The following NDUFAB1 variants were observed in gnomAD, a reference collection of about 807,000 sequenced individuals.
NDUFAB1 encodes acyl carrier protein, mitochondrial.
Under a neutral mutation model 16.1 loss-of-function variants are expected in NDUFAB1, and 5 were observed. That is an observed-to-expected ratio of 0.31 (90% CI 0.16 to 0.65). NDUFAB1 has a LOEUF of 0.65. NDUFAB1 is among the 30% of genes least tolerant of loss of function. The pLI is 0.77. For missense variants in NDUFAB1, 187 were observed against 205.3 expected (o/e 0.91, Z 0.54); for synonymous variants, 85 against 78.4 (o/e 1.08, Z -0.44).
intron 3 of NDUFAB1, among the ~76,000 whole-genome samples, chr16:23,584,171 T>C (rs1156765262): frequency 6.8e-6 from 1 of 146,248 alleles, no homozygotes; most frequent in African/African-American, 2.5e-5. Flanking sequence ...TTTGTTCACT[T>C]GTTTACCTGC....
At chr16:23,583,421 C>T (rs1161058175) in intron 3 of NDUFAB1, among the ~76,000 whole-genome samples, 1 of 151,348 alleles carries the variant, frequency 6.6e-6, no homozygotes, top group East Asian at 1.9e-4. Flanking sequence ...CGCCTCTTCC[C>T]GGCCACCATC....
intron 3 of NDUFAB1, 34 bp from the exon 4 acceptor site, chr16:23,582,409 TAA>T (rs369134902): frequency 2.0e-4 from 250 of 1,223,060 alleles, no homozygotes; most frequent in Admixed American, 5.7e-4. Context: ...GTGAGAGAGT[TAA>T]AAAAAAAAAA....
intron 4 of NDUFAB1, 65 bp downstream of exon 4, chr16:23,582,209 TAA>T: frequency 7.3e-7 from 1 of 1,363,258 alleles, no homozygotes; most frequent in Admixed American, 3.8e-5. Flanking sequence ...TGTTTCTTCT[TAA>T]GTTTCCTTTA....
intron 3 of NDUFAB1, among the ~76,000 whole-genome samples, chr16:23,583,361 G>C (rs1164686735): frequency 6.6e-6 from 1 of 151,650 alleles, no homozygotes; most frequent in Non-Finnish European, 1.5e-5. Flanking sequence ...CCCATCGTCT[G>C]AGATGTGGGG....
intron 1 of NDUFAB1, among the ~76,000 whole-genome samples, chr16:23,589,804 C>T (rs577138278): frequency 7.3e-4 from 111 of 152,024 alleles, no homozygotes; most frequent in Middle Eastern, 3.4e-3. Flanking sequence ...GGCATCGTGG[C>T]GTGTGCCTAT....
chr16:23,596,132 C>A lies in NDUFAB1; in HGVS notation c.159G>T (p.Val53=). Residue 53 remains valine (V), a synonymous_variant, in exon 1 of 5, where the codon GTG becomes GTT. Transcript: ENST00000007516. ...AGTCACCACGAGTCACCTGCGCGAGCACTAAGGCCGGCTGCAAAGTCCCGA... is the reference window on the plus strand; with the variant it reads ...AGTCACCACGAGTCACCTGCGCGAGAACTAAGGCCGGCTGCAAAGTCCCGA... ...TRLGTLQPAL[V]LAQVPGRVTQ... is the part of the protein sequence containing the mutation. 2 of 1,607,934 alleles carry A rather than the reference C, an allele frequency of 1.2e-6. No individual in the cohort carries two copies. Among genetic ancestry groups the A allele is most frequent in the Admixed American group, 1.7e-5 (1 of 59,690 alleles).
chr16:23,588,196 T>C (rs1364106969), intron 1 of NDUFAB1, among the ~76,000 whole-genome samples: 2 of 152,238 alleles, frequency 1.3e-5, no homozygotes, highest in African/African-American at 4.8e-5. Context: ...GGCTCACGCC[T>C]ATAATCACAA....
chr16:23,595,165 T>G (rs1029271623), intron 1 of NDUFAB1, among the ~76,000 whole-genome samples: 1 of 151,940 alleles, frequency 6.6e-6, no homozygotes, highest in East Asian at 1.9e-4. Flanking sequence ...GGGAGGAGAA[T>G]TGCTTGAACC....
intron 3 of NDUFAB1, among the ~76,000 whole-genome samples, chr16:23,583,605 CCCTCCGCCCGG>C (rs541607634): frequency 0.04 from 5,842 of 145,668 alleles, 584 homozygotes; most frequent in African/African-American, 0.077. Context: ...AGTGAGGAGC[CCCTCCGCCCGG>C]CAGCCGCCCC....
intron 1 of NDUFAB1, among the ~76,000 whole-genome samples, chr16:23,593,294 A>G (rs1966295264): frequency 2.0e-5 from 3 of 152,200 alleles, no homozygotes; most frequent in Admixed American, 1.3e-4. Context: ...GTGTCCCAAC[A>G]AGGTAGGAGG....
chr16:23,583,578 G>A (rs565189150), intron 3 of NDUFAB1, among the ~76,000 whole-genome samples: 287 of 151,648 alleles, frequency 1.9e-3, no homozygotes, highest in African/African-American at 6.6e-3. Flanking sequence ...GTCTCTGCCC[G>A]GCTGCCCCCT....
At chr16:23,584,254 TTAA>T (rs1178369215) in intron 3 of NDUFAB1, among the ~76,000 whole-genome samples, 6 of 12,118 alleles carry the variant, frequency 5.0e-4, no homozygotes, top group Admixed American at 9.4e-4. Context: ...GAATGATCAA[TTAA>T]AAAAAAAAAA....
intron 2 of NDUFAB1, among the ~76,000 whole-genome samples, 153 bp from the exon 3 acceptor site, chr16:23,585,576 T>C (rs1384029488): frequency 6.6e-6 from 1 of 152,250 alleles, no homozygotes; most frequent in Non-Finnish European, 1.5e-5. Context: ...GTTTGTTACA[T>C]AGGTATACAT....
chr16:23,587,709 G>GTCAAATA (rs1966245701), intron 1 of NDUFAB1, among the ~76,000 whole-genome samples: 1 of 152,252 alleles, frequency 6.6e-6, no homozygotes, highest in Admixed American at 6.5e-5. Context: ...TTAATAGGCT[G>GTCAAATA]ACCCAAGTCA....
chr16:23,584,254 T>TAAAAAAAAAAAAAAAA (rs774895056), intron 3 of NDUFAB1, among the ~76,000 whole-genome samples: 3 of 12,116 alleles, frequency 2.5e-4, no homozygotes, highest in African/African-American at 3.5e-4. Flanking sequence ...GAATGATCAA[T>TAAAAAAAAAAAAAAAA]TAAAAAAAAA....
intron 2 of NDUFAB1, 98 bp from the exon 3 acceptor site, chr16:23,585,521 A>AT: frequency 1.2e-6 from 1 of 825,502 alleles, no homozygotes; most frequent in Non-Finnish European, 2.0e-6. Flanking sequence ...ACTATATTGA[A>AT]TTTATTATAC....
rs1469846445 is a variant in NDUFAB1, at chr16:23,587,447, T to C, written c.169-128A>G. ...AGAACCCACAGCATCTGATTCTCAT[T>C]GTGGCCACCAGGACACACTAAGTTG... is the stretch of plus-strand genomic sequence containing the variant. On this transcript the variant is annotated intron_variant, in intron 1 of 4. Coordinates refer to ENST00000007516, the MANE Select transcript of NDUFAB1 (RefSeq NM_005003.3). 6 of 1,194,458 alleles carry C rather than the reference T, an allele frequency of 5.0e-6. No individual in the cohort carries two copies. In the African/African-American group the frequency reaches 9.3e-5, roughly 18 times the overall value. The allele number at this position is 1,194,458 out of a possible 1,614,324, so 74.0% of individuals were successfully genotyped here. A position where few individuals can be genotyped will look rare whatever the true frequency, so the allele number is the denominator to read the frequency against.
intron 4 of NDUFAB1, 46 bp from the exon 5 acceptor site, chr16:23,581,219 A>C (rs1966176469): frequency 6.6e-6 from 1 of 152,392 alleles, no homozygotes; most frequent in Non-Finnish European, 1.5e-5. Flanking sequence ...ATGTATTCTT[A>C]CTAATGATAA....
intron 3 of NDUFAB1, among the ~76,000 whole-genome samples, chr16:23,585,030 T>C (rs1365153722): frequency 1.3e-5 from 2 of 152,198 alleles, no homozygotes; most frequent in African/African-American, 4.8e-5. Flanking sequence ...GGGGAGGCTT[T>C]TGCCCTTTGT....
Sources: gnomAD v4.1 joint callset for allele counts (sites outside exome capture counted in the v4.1 genomes callset) on GRCh38, gnomAD v4.1.1 for gene constraint, MANE v1.5 for transcripts, NCBI Gene and HGNC (gene_info 2026-07-23, HGNC 2026-07-21) for gene names.